The following NALF1 variants were observed in gnomAD, a reference collection of about 807,000 sequenced individuals.
NALF1 encodes family with sequence similarity 155 member A.
In NALF1, 3 loss-of-function variants were observed where a neutral mutation model predicts 48.4. That is an observed-to-expected ratio of 0.06 (90% CI 0.03 to 0.16). The LOEUF is 0.16. Among genes scored for constraint, NALF1 ranks in the 10% least tolerant of loss-of-function variants. The pLI is 1.00. For synonymous variants in NALF1, 262 were observed against 245.7 expected, an observed-to-expected ratio of 1.07 and a Z score of -0.62; for missense variants, 526 against 571.5, an observed-to-expected ratio of 0.92 and a Z score of 0.81.
chr13:107,861,639 C>T (rs1880571034), intron 1 of NALF1, among the ~76,000 whole-genome samples: 2 of 152,120 alleles, frequency 1.3e-5, no homozygotes, highest in Admixed American at 6.6e-5. Context: ...AAAAAATTAG[C>T]TAGGCGTGGT....
intron 1 of NALF1, among the ~76,000 whole-genome samples, chr13:107,838,221 C>T (rs1037059240): frequency 6.6e-6 from 1 of 152,108 alleles, no homozygotes; most frequent in East Asian, 1.9e-4. Flanking sequence ...AAGCCAGCAT[C>T]ATCGGCACCT....
At chr13:107,618,516 T>A (rs914531030) in intron 1 of NALF1, among the ~76,000 whole-genome samples, 5 of 151,984 alleles carry the variant, frequency 3.3e-5, no homozygotes, top group African/African-American at 1.2e-4. Context: ...TGAATTAGAG[T>A]CAAAAAGACT....
chr13:107,503,016 A>C (rs1224148982), intron 1 of NALF1, among the ~76,000 whole-genome samples: 4 of 152,174 alleles, frequency 2.6e-5, no homozygotes, highest in Non-Finnish European at 5.9e-5. Context: ...CTCAGAGCCC[A>C]CAGGCTCAAT....
chr13:107,616,914 A>G (rs375199933), intron 1 of NALF1, among the ~76,000 whole-genome samples: 72 of 152,316 alleles, frequency 4.7e-4, no homozygotes, highest in African/African-American at 1.6e-3. Flanking sequence ...AATAACCGCT[A>G]GGTAAGGAAA....
intron 1 of NALF1, among the ~76,000 whole-genome samples, chr13:107,699,374 T>G (rs1038410699): frequency 9.9e-5 from 15 of 152,202 alleles, no homozygotes; most frequent in African/African-American, 3.4e-4. Context: ...GAGGACCAAG[T>G]CTTAAATAGA....
At chr13:107,567,330 T>A (rs1002752805) in intron 1 of NALF1, among the ~76,000 whole-genome samples, 1 of 152,194 alleles carries the variant, frequency 6.6e-6, no homozygotes, top group Non-Finnish European at 1.5e-5. Flanking sequence ...TCTCATCTAA[T>A]GTTAATATTA....
chr13:107,366,857 A>G (rs1883160797), intron 1 of NALF1, among the ~76,000 whole-genome samples: 1 of 152,146 alleles, frequency 6.6e-6, no homozygotes, highest in South Asian at 2.1e-4. Flanking sequence ...ATGCTCACAA[A>G]GGGGAAGGAA....
At chr13:107,258,374 G>A (rs1248595133) in intron 1 of NALF1, among the ~76,000 whole-genome samples, 3 of 152,030 alleles carry the variant, frequency 2.0e-5, no homozygotes, top group East Asian at 3.9e-4. Flanking sequence ...TTGCCTCCAC[G>A]ACACATTTGA....
chr13:107,635,923 T>A (rs1016973225), intron 1 of NALF1, among the ~76,000 whole-genome samples: 8 of 152,178 alleles, frequency 5.3e-5, no homozygotes, highest in Admixed American at 2.0e-4. Context: ...TAAACCTCAA[T>A]AAAATTGGGG....
At chr13:107,198,950 C>T (rs1879451100) in intron 2 of NALF1, among the ~76,000 whole-genome samples, 1 of 152,186 alleles carries the variant, frequency 6.6e-6, no homozygotes, top group African/African-American at 2.4e-5. Context: ...GGCCCTAACT[C>T]CCAGTACGCT....
intron 1 of NALF1, among the ~76,000 whole-genome samples, chr13:107,623,933 A>G (rs1379604575): frequency 6.6e-6 from 1 of 152,226 alleles, no homozygotes; most frequent in African/African-American, 2.4e-5. Flanking sequence ...ACAGTGGATG[A>G]AAGTGTATAT....
intron 1 of NALF1, among the ~76,000 whole-genome samples, chr13:107,656,116 C>T (rs1371256578): frequency 6.7e-6 from 1 of 148,772 alleles, no homozygotes; most frequent in Non-Finnish European, 1.5e-5. Flanking sequence ...GCTTCATGAC[C>T]AACAATCTAA....
In NALF1 at chr13:107,212,859, G is replaced by A. The variant is rs528952152; in HGVS notation, c.916-2104C>T. ...ACAGCTTGCTTTCCGCACATTTCTG[G>A]GATTCTAAAGTCTAGAGTTGCCTGT... On this transcript the variant is annotated intron_variant, in intron 1 of 2. Transcript: ENST00000375915. 1.2e-4 allele frequency among the ~76,000 whole-genome samples: 19 copies of A among 152,154 alleles called. No individual in the cohort carries two copies. In the East Asian group the frequency reaches 3.3e-3, roughly 26 times the overall value.
intron 1 of NALF1, among the ~76,000 whole-genome samples, chr13:107,266,154 G>A (rs1881033632): frequency 6.6e-6 from 1 of 152,168 alleles, no homozygotes; most frequent in Non-Finnish European, 1.5e-5. Context: ...CTGAAAAGGT[G>A]GTGAGAATCT....
intron 1 of NALF1, among the ~76,000 whole-genome samples, chr13:107,303,797 A>G (rs1024007869): frequency 3.9e-5 from 6 of 152,322 alleles, no homozygotes; most frequent in Admixed American, 1.3e-4. Context: ...AATACAGTAG[A>G]TACTATCTTT....
At chr13:107,520,776 G>T (rs951823147) in intron 1 of NALF1, among the ~76,000 whole-genome samples, 2 of 152,086 alleles carry the variant, frequency 1.3e-5, no homozygotes, top group Non-Finnish European at 2.9e-5. Context: ...TGCTGGCAGG[G>T]TGCCCCAGTC....
At chr13:107,733,944 T>C (rs936346353) in intron 1 of NALF1, among the ~76,000 whole-genome samples, 1 of 152,188 alleles carries the variant, frequency 6.6e-6, no homozygotes, top group Admixed American at 6.5e-5. Context: ...ACCTAGATGG[T>C]ACAGCCTACT....
intron 1 of NALF1, among the ~76,000 whole-genome samples, chr13:107,425,679 A>C (rs918187064): frequency 6.6e-6 from 1 of 152,108 alleles, no homozygotes; most frequent in African/African-American, 2.4e-5. Flanking sequence ...TATGATTTGG[A>C]AATCTACATA....
At chr13:107,250,308 T>C (rs1880672327) in intron 1 of NALF1, among the ~76,000 whole-genome samples, 1 of 152,200 alleles carries the variant, frequency 6.6e-6, no homozygotes, top group Admixed American at 6.5e-5. Context: ...TGAAATTAAC[T>C]AGAAACTATT....
Sources: gnomAD v4.1 joint callset for allele counts (sites outside exome capture counted in the v4.1 genomes callset) on GRCh38, gnomAD v4.1.1 for gene constraint, MANE v1.5 for transcripts, NCBI Gene and HGNC (gene_info 2026-07-23, HGNC 2026-07-21) for gene names.